The following ENPEP variants were observed in gnomAD, a reference collection of about 807,000 sequenced individuals.
ENPEP encodes glutamyl aminopeptidase.
A neutral mutation model predicts 114.5 loss-of-function variants in ENPEP; 103 were observed. The ratio of observed to expected loss-of-function variants is 0.90; its 90% CI spans 0.77 to 1.06. The LOEUF is 1.06. Among genes scored for constraint, ENPEP ranks in the 50% least tolerant of loss-of-function variants. ENPEP has a pLI of 0.00. For synonymous variants in ENPEP, 420 were observed against 422.0 expected (o/e 1.00, Z 0.06); for missense variants, 1,196 against 1,161.3 (o/e 1.03, Z -0.43).
chr4:110,498,514 C>T (rs1371393562), intron 3 of ENPEP, among the ~76,000 whole-genome samples: 13 of 152,048 alleles, frequency 8.5e-5, no homozygotes, highest in Admixed American at 8.5e-4. Context: ...TGGAACAAGA[C>T]GTATAAACAG....
rs1727683458 is a variant in ENPEP at position 110,561,611 on chromosome 4, G to A, written c.*53G>A. 1.9e-6 allele frequency: 3 copies of A among 1,546,548 alleles called. No individual in the cohort carries two copies. The South Asian group carries it at 3.5e-5, about 18-fold the overall frequency. ...GTGAATCTATTGTTTCTCCTCTGAAGCATTTGGTGGCCTAATTTACAAGCA... is the reference window on the plus strand; with the variant it reads ...GTGAATCTATTGTTTCTCCTCTGAAACATTTGGTGGCCTAATTTACAAGCA... On this transcript the variant is annotated 3_prime_UTR_variant, in exon 20 of 20. Coordinates refer to ENST00000265162, the MANE Select transcript of ENPEP (RefSeq NM_001977.4).
chr4:110,519,188 T>A (rs114855340), intron 8 of ENPEP: 4,514 of 439,582 alleles, frequency 0.01, 27 homozygotes, highest in Non-Finnish European at 0.017. Context: ...CTAATACTGT[T>A]TTATCTCTAT....
intron 6 of ENPEP, among the ~76,000 whole-genome samples, chr4:110,510,846 G>T (rs1417118629): frequency 6.6e-6 from 1 of 152,158 alleles, no homozygotes; most frequent in East Asian, 1.9e-4. Flanking sequence ...CAGGGAATAT[G>T]ACCTTGAGCA....
At chr4:110,543,718 A>G (rs1009286526) in intron 13 of ENPEP, among the ~76,000 whole-genome samples, 1 of 151,948 alleles carries the variant, frequency 6.6e-6, no homozygotes, top group African/African-American at 2.4e-5. Context: ...GGCACTTTGC[A>G]GAAGCTGAGG....
rs190870881 is a variant in ENPEP, at chr4:110,556,536, T to C, written c.2642+3081T>C. On this transcript the variant is annotated intron_variant, in intron 18 of 19. Coordinates refer to ENST00000265162, the MANE Select transcript of ENPEP (RefSeq NM_001977.4). ...CCTATATGTTGGACAATAGAATTGT[T>C]TCCCTACAACTATACGTAGTGTATT... 1.8e-3 allele frequency among the ~76,000 whole-genome samples: 274 copies of C among 152,240 alleles called. 2 individuals carry two copies. The highest frequency in any genetic ancestry group is 2.1e-3 in the Non-Finnish European group (143 of 67,994).
intron 10 of ENPEP, among the ~76,000 whole-genome samples, chr4:110,528,778 G>C (rs1349283262): frequency 6.6e-6 from 1 of 152,120 alleles, no homozygotes; most frequent in South Asian, 2.1e-4. Context: ...AGTTTCCTTA[G>C]AGAAAATTAG....
At chr4:110,513,195 G>A in intron 6 of ENPEP, 1 of 369,072 alleles carries the variant, frequency 2.7e-6, no homozygotes, top group Non-Finnish European at 4.6e-6. Context: ...TTCTCGGCCT[G>A]TCATCTGGGG....
intron 3 of ENPEP, among the ~76,000 whole-genome samples, chr4:110,503,942 G>A (rs1725260167): frequency 6.6e-6 from 1 of 152,214 alleles, no homozygotes; most frequent in African/African-American, 2.4e-5. Context: ...GCTCCTCTGT[G>A]TTTCCTCCTA....
rs909214426 is a variant in ENPEP at position 110,542,340 on chromosome 4, C to T, written c.1808-411C>T. 4.9e-4 allele frequency among the ~76,000 whole-genome samples: 74 copies of T among 151,966 alleles called. 1 individual carries two copies. The highest frequency in any genetic ancestry group is 4.9e-3 in the Admixed American group (74 of 15,242). ...CATTTGTATCCCCTCCCCAGGCTGC[C>T]CTGGTGAATATTGTTTGTGTAATCA... On this transcript the variant is annotated intron_variant, in intron 11 of 19. Coordinates refer to ENST00000265162, the MANE Select transcript of ENPEP (RefSeq NM_001977.4).
At chr4:110,534,110 GT>G (rs1265513166) in intron 11 of ENPEP, among the ~76,000 whole-genome samples, 1 of 152,160 alleles carries the variant, frequency 6.6e-6, no homozygotes, top group East Asian at 1.9e-4. Context: ...TGACGAACAT[GT>G]CCTGAGTGTA....
intron 18 of ENPEP, among the ~76,000 whole-genome samples, chr4:110,554,015 C>T (rs1418593240): frequency 6.6e-6 from 1 of 151,964 alleles, no homozygotes; most frequent in Non-Finnish European, 1.5e-5. Flanking sequence ...AAAGAGATGC[C>T]TTTCCAAACT....
chr4:110,515,506 T>C, intron 8 of ENPEP, 64 bp downstream of exon 8: 1 of 1,276,372 alleles, frequency 7.8e-7, no homozygotes, highest in Non-Finnish European at 1.1e-6. Flanking sequence ...TGGTGAATGT[T>C]AAGATATGTG....
chr4:110,523,158 A>G (rs1726068643), intron 10 of ENPEP, among the ~76,000 whole-genome samples: 1 of 152,182 alleles, frequency 6.6e-6, no homozygotes, highest in Non-Finnish European at 1.5e-5. Context: ...GTGAAAGCCC[A>G]TCCGTTTGGT....
In ENPEP at chr4:110,520,891, G is replaced by A. The variant is rs578250299; in HGVS notation, c.1727+525G>A. ...CACCCCTCACCCCTACTTTCTCTCC[G>A]CCACCTACCATTTCTTTCTCTGCAC... On this transcript the variant is annotated intron_variant, in intron 10 of 19. Coordinates refer to ENST00000265162, the MANE Select transcript of ENPEP (RefSeq NM_001977.4). 1.6e-4 allele frequency among the ~76,000 whole-genome samples: 25 copies of A among 152,178 alleles called. No homozygotes were observed. The East Asian group carries it at 2.3e-3, about 14-fold the overall frequency.
chr4:110,556,177 T>A (rs1181817996), intron 18 of ENPEP, among the ~76,000 whole-genome samples: 1 of 152,104 alleles, frequency 6.6e-6, no homozygotes, highest in Non-Finnish European at 1.5e-5. Flanking sequence ...TTTGCTTTTT[T>A]AAATTCCTGT....
rs1325223067 is a variant in ENPEP, at chr4:110,542,829, T to G, written c.1886T>G (p.Val629Gly). 1 of 1,613,262 alleles carries G rather than the reference T, an allele frequency of 6.2e-7. No homozygotes were observed. The highest frequency in any genetic ancestry group is 1.7e-5 in the Admixed American group (1 of 59,932). ...INPDHIGFYR[V>G]NYEVATWDSI... ...CCAGATCATATTGGGTTTTATCGTGTAAATTATGAAGTAGCAACTTGGGAC... is the reference window on the plus strand; with the variant it reads ...CCAGATCATATTGGGTTTTATCGTGGAAATTATGAAGTAGCAACTTGGGAC... The change falls in exon 12 of 20, where the codon GTA becomes GGA. Residue 629 changes from valine to glycine, a missense_variant. Coordinates refer to ENST00000265162, the MANE Select transcript of ENPEP (RefSeq NM_001977.4).
At position 110,549,629 on chromosome 4, in the gene ENPEP, T is replaced by G; in HGVS notation, c.2327T>G (p.Val776Gly). 6.2e-7 allele frequency: 1 copy of G among 1,613,490 alleles called. No individual in the cohort carries two copies. Among genetic ancestry groups the G allele is most frequent in the South Asian group, 1.1e-5 (1 of 91,070 alleles). Residue 776 changes from valine (V) to glycine (G), a missense_variant, in exon 16 of 20, where the codon GTA becomes GGA. By Grantham distance (109) the Val-to-Gly change is moderately radical. Coordinates refer to ENST00000265162, the MANE Select transcript of ENPEP (RefSeq NM_001977.4). ...SLFEQWLNGT[V>G]SLPVNLRLLV... The stretch of plus-strand genomic sequence containing the variant: ...TTTGAGCAGTGGCTAAATGGGACTG[T>G]AAGGTGATTACTCACATTGTTATGC...
chr4:110,564,215 T>G lies in ENPEP; in HGVS notation c.*2657T>G, dbSNP rs1727761251. On this transcript the variant is annotated 3_prime_UTR_variant, in exon 20 of 20. Coordinates refer to ENST00000265162, the MANE Select transcript of ENPEP (RefSeq NM_001977.4). ...TTATTTTAGAGTGGATAAATTGAGA[T>G]GGAGAAGTTATAGAACTTGCACAAG... 6.6e-6 allele frequency: 1 copy of G among 152,172 alleles called. No individual in the cohort carries two copies. The highest frequency in any genetic ancestry group is 2.4e-5 in the African/African-American group (1 of 41,442). 9.4% of individuals were successfully genotyped at this position (152,172 alleles called of 1,614,324 possible).
intron 1 of ENPEP, 150 bp downstream of exon 1, chr4:110,477,208 C>T (rs1444503610): frequency 1.8e-6 from 2 of 1,137,050 alleles, no homozygotes; most frequent in Non-Finnish European, 2.4e-6. Context: ...ATCTGGGAAG[C>T]CAAAATTGTT....
Sources: gnomAD v4.1 joint callset for allele counts (sites outside exome capture counted in the v4.1 genomes callset) on GRCh38, gnomAD v4.1.1 for gene constraint, MANE v1.5 for transcripts, NCBI Gene and HGNC (gene_info 2026-07-23, HGNC 2026-07-21) for gene names.